MAP3K20: variants seen among roughly 807,000 people sequenced by gnomAD.
MAP3K20 encodes HCCS-4.
A neutral mutation model predicts 85.7 loss-of-function variants in MAP3K20; 40 were observed. The ratio of observed to expected loss-of-function variants is 0.47; its 90% CI spans 0.36 to 0.61. The LOEUF (loss-of-function observed/expected upper bound fraction) is 0.61. Among genes scored for constraint, MAP3K20 ranks in the 20% least tolerant of loss-of-function variants. The pLI, the probability that MAP3K20 is intolerant of heterozygous loss-of-function variation, is 0.00. For synonymous variants in MAP3K20, 325 were observed against 327.7 expected, an observed-to-expected ratio of 0.99 and a Z score of 0.09; for missense variants, 817 against 961.7, an observed-to-expected ratio of 0.85 and a Z score of 1.99.
chr2:173,254,429 G>A (rs1287860082), intron 16 of MAP3K20, among the ~76,000 whole-genome samples: 10 of 112,322 alleles, frequency 8.9e-5, no homozygotes, highest in East Asian at 2.4e-4. Flanking sequence ...GTGAGACTTC[G>A]TCTCAAAAAA....
At chr2:173,120,255 TG>T (rs1022878231) in intron 2 of MAP3K20, among the ~76,000 whole-genome samples, 5 of 152,140 alleles carry the variant, frequency 3.3e-5, no homozygotes, top group Admixed American at 3.3e-4. Context: ...CTTTACCTGA[TG>T]GGGTGACCTG....
At chr2:173,258,236 A>G (rs768996973) in intron 16 of MAP3K20, among the ~76,000 whole-genome samples, 1 of 152,208 alleles carries the variant, frequency 6.6e-6, no homozygotes, top group East Asian at 1.9e-4. Flanking sequence ...TTGAACCCAC[A>G]TCATTATCAA....
chr2:173,185,852 G>A lies in MAP3K20; in HGVS notation c.350-1706G>A, dbSNP rs3769175. ...TAAACTCCAATCCAGTTTCAAAATGGTCACCACTCATTCCAGTTCTCCCCA... is the reference window on the plus strand; with the variant it reads ...TAAACTCCAATCCAGTTTCAAAATGATCACCACTCATTCCAGTTCTCCCCA... On this transcript the variant is annotated intron_variant, in intron 4 of 19. Coordinates refer to ENST00000375213, the MANE Select transcript of MAP3K20 (RefSeq NM_016653.3). Among the ~76,000 whole-genome samples the A allele has an allele frequency of 0.05, 7,624 of 152,202 alleles. 973 individuals carry two copies. In the East Asian group the frequency reaches 0.57, roughly 11 times the overall value.
chr2:173,169,988 T>C (rs958104539), intron 3 of MAP3K20, 96 bp downstream of exon 3: 5 of 1,136,436 alleles, frequency 4.4e-6, no homozygotes, highest in Non-Finnish European at 6.5e-6. Flanking sequence ...CAGTTATGAA[T>C]TGTGTGTTAC....
intron 16 of MAP3K20, among the ~76,000 whole-genome samples, chr2:173,256,692 G>GC (rs1685170969): frequency 6.6e-6 from 1 of 151,988 alleles, no homozygotes. Flanking sequence ...AACCCTCCTA[G>GC]CCCCCATTCA....
rs759421352 is a variant in MAP3K20, at chr2:173,258,719, T to C, written c.1380T>C (p.Tyr460=). The C allele has an allele frequency of 1.3e-5, 21 of 1,609,360 alleles. No individual in the cohort carries two copies. Among genetic ancestry groups the C allele is most frequent in the Non-Finnish European group, 1.6e-5 (19 of 1,176,382 alleles). ...TCCAGGATTGTAAGTGGAAAATGTA[T>C]ATGGAGATGGATGGGGATGAAATTG... ...TGPQDCKWKM[Y]MEMDGDEIAI... The change falls in exon 17 of 20, where the codon TAT becomes TAC. Residue 460 remains tyrosine (Y), a synonymous_variant. Transcript: ENST00000375213.
At chr2:173,133,661 C>T (rs568894212) in intron 2 of MAP3K20, among the ~76,000 whole-genome samples, 1 of 152,152 alleles carries the variant, frequency 6.6e-6, no homozygotes, top group Non-Finnish European at 1.5e-5. Context: ...ACACACATAG[C>T]CCACAACAAG....
intron 9 of MAP3K20, among the ~76,000 whole-genome samples, chr2:173,206,602 G>C (rs911052672): frequency 6.6e-6 from 1 of 150,662 alleles, no homozygotes; most frequent in East Asian, 2.3e-4. Flanking sequence ...AGTCTTCCTT[G>C]GTTATTCTAT....
intron 2 of MAP3K20, among the ~76,000 whole-genome samples, chr2:173,103,734 C>A (rs1175563261): frequency 6.6e-6 from 1 of 152,132 alleles, no homozygotes; most frequent in Non-Finnish European, 1.5e-5. Context: ...GGTTGTTTCC[C>A]ATAATAGAAC....
chr2:173,150,858 G>A (rs545526854), intron 2 of MAP3K20, among the ~76,000 whole-genome samples: 3 of 151,984 alleles, frequency 2.0e-5, no homozygotes, highest in East Asian at 1.9e-4. Flanking sequence ...CACCACACCC[G>A]GCCAAAAAAA....
At chr2:173,157,398 G>C (rs1266211282) in intron 2 of MAP3K20, among the ~76,000 whole-genome samples, 2 of 145,298 alleles carry the variant, frequency 1.4e-5, no homozygotes, top group Non-Finnish European at 3.0e-5. Context: ...GTTACTGTTT[G>C]TGCTGACAGA....
chr2:173,142,836 A>G (rs1417317200), intron 2 of MAP3K20, among the ~76,000 whole-genome samples: 2 of 152,150 alleles, frequency 1.3e-5, no homozygotes, highest in Non-Finnish European at 1.5e-5. Flanking sequence ...AAGCACCCCA[A>G]TTAAATGGCA....
intron 8 of MAP3K20, among the ~76,000 whole-genome samples, chr2:173,200,682 T>G (rs1691024992): frequency 6.6e-6 from 1 of 152,118 alleles, no homozygotes; most frequent in South Asian, 2.1e-4. Context: ...TGTAGTCCCA[T>G]CTACTGGGGA....
At chr2:173,216,846 T>C (rs1684087480) in intron 10 of MAP3K20, among the ~76,000 whole-genome samples, 15 of 152,236 alleles carry the variant, frequency 9.9e-5, no homozygotes. Flanking sequence ...ATTTACTAAA[T>C]GGCTGTACCA....
chr2:173,224,540 AC>A, intron 11 of MAP3K20: 1 of 985,256 alleles, frequency 1.0e-6, no homozygotes, highest in Non-Finnish European at 1.2e-6. Context: ...CATTTTCCTC[AC>A]CAGTATTCCA....
chr2:173,102,654 G>A (rs1174590207), intron 2 of MAP3K20, among the ~76,000 whole-genome samples: 2 of 152,180 alleles, frequency 1.3e-5, no homozygotes, highest in Admixed American at 6.5e-5. Context: ...GTATGAAAAT[G>A]TTTGTTAAAG....
rs373976628 is a variant in MAP3K20, at chr2:173,232,478, A to G, written c.1203+19A>G. The G allele has an allele frequency of 2.5e-6, 4 of 1,607,620 alleles. No homozygotes were observed. The highest frequency in any genetic ancestry group is 3.4e-6 in the Non-Finnish European group (4 of 1,178,052). ...CTTCAAGGTACCTGAGAAAGGGACA[A>G]CATTCCATCAGCAAACCCTTTTTTT... is the stretch of plus-strand genomic sequence containing the variant. On this transcript the variant is annotated intron_variant, in intron 14 of 19. Coordinates refer to ENST00000375213, the MANE Select transcript of MAP3K20 (RefSeq NM_016653.3).
intron 2 of MAP3K20, among the ~76,000 whole-genome samples, chr2:173,164,174 G>C (rs1287647851): frequency 6.6e-6 from 1 of 152,078 alleles, no homozygotes; most frequent in African/African-American, 2.4e-5. Context: ...TGGCCAGGCT[G>C]GTCTCCAACT....
chr2:173,246,648 T>C (rs1321686869), intron 16 of MAP3K20, among the ~76,000 whole-genome samples: 1 of 152,180 alleles, frequency 6.6e-6, no homozygotes, highest in African/African-American at 2.4e-5. Flanking sequence ...AAGGAACTCT[T>C]TGGGGAGTCG....
Sources: gnomAD v4.1 joint callset for allele counts (sites outside exome capture counted in the v4.1 genomes callset) on GRCh38, gnomAD v4.1.1 for gene constraint, MANE v1.5 for transcripts, NCBI Gene and HGNC (gene_info 2026-07-23, HGNC 2026-07-21) for gene names.